MGAT4C: variants seen among roughly 807,000 people sequenced by gnomAD.
MGAT4C encodes MGAT4 family member C.
In MGAT4C, 19 loss-of-function variants were observed where a neutral mutation model predicts 40.1. The ratio of observed to expected loss-of-function variants is 0.47; its 90% CI spans 0.33 to 0.70. MGAT4C has a LOEUF of 0.70. Ranked by LOEUF, MGAT4C falls within the 30% of genes least tolerant of loss-of-function variation. MGAT4C has a pLI of 0.02. For missense variants in MGAT4C, 491 were observed against 563.2 expected, an observed-to-expected ratio of 0.87 and a Z score of 1.30; for synonymous variants, 181 against 187.1, an observed-to-expected ratio of 0.97 and a Z score of 0.27.
chr12:86,678,735 C>T (rs1199257889), intron 2 of MGAT4C, among the ~76,000 whole-genome samples: 2 of 151,960 alleles, frequency 1.3e-5, no homozygotes, highest in Non-Finnish European at 2.9e-5. Flanking sequence ...CAATTTCATC[C>T]ATGTCCCTAC....
At chr12:86,493,361 G>A (rs543850001) in intron 2 of MGAT4C, among the ~76,000 whole-genome samples, 20 of 151,968 alleles carry the variant, frequency 1.3e-4, no homozygotes, top group African/African-American at 4.1e-4. Flanking sequence ...TGTTTATTGC[G>A]GCACTATTCA....
At chr12:86,015,357 AGCT>A (rs1888980801) in intron 2 of MGAT4C, among the ~76,000 whole-genome samples, 1 of 151,928 alleles carries the variant, frequency 6.6e-6, no homozygotes, top group Non-Finnish European at 1.5e-5. Flanking sequence ...CCTCCCGACA[AGCT>A]GTTTGTGCTG....
chr12:86,755,360 A>C (rs1409447503), intron 1 of MGAT4C, among the ~76,000 whole-genome samples: 1 of 152,232 alleles, frequency 6.6e-6, no homozygotes, highest in African/African-American at 2.4e-5. Context: ...ATTTCTATAC[A>C]TCTGTATTAC....
At chr12:86,056,607 C>A (rs1186321877) in intron 1 of MGAT4C, among the ~76,000 whole-genome samples, 1 of 152,104 alleles carries the variant, frequency 6.6e-6, no homozygotes, top group East Asian at 1.9e-4. Context: ...TGTATATGTG[C>A]CACATTTTCT....
chr12:86,334,391 C>T (rs959513187), intron 3 of MGAT4C, among the ~76,000 whole-genome samples: 6 of 152,042 alleles, frequency 3.9e-5, no homozygotes, highest in Non-Finnish European at 7.4e-5. Flanking sequence ...TGGGATTAAG[C>T]TCCATAAACA....
intron 3 of MGAT4C, among the ~76,000 whole-genome samples, chr12:86,393,880 C>T (rs895635164): frequency 6.6e-6 from 1 of 152,182 alleles, no homozygotes; most frequent in African/African-American, 2.4e-5. Flanking sequence ...ACTGGCTTCA[C>T]TCATCATGCC....
At chr12:86,146,851 T>G (rs993724833) in intron 1 of MGAT4C, among the ~76,000 whole-genome samples, 5 of 151,374 alleles carry the variant, frequency 3.3e-5, no homozygotes, top group African/African-American at 1.2e-4. Flanking sequence ...TTTTTCCAGA[T>G]TATAACATGT....
chr12:86,160,156 C>T (rs184608383), intron 1 of MGAT4C, among the ~76,000 whole-genome samples: 1 of 152,030 alleles, frequency 6.6e-6, no homozygotes, highest in Non-Finnish European at 1.5e-5. Flanking sequence ...ATCTTTCTGT[C>T]TTGACAAAGG....
At chr12:86,586,004 G>A (rs1023380922) in intron 2 of MGAT4C, among the ~76,000 whole-genome samples, 2 of 149,850 alleles carry the variant, frequency 1.3e-5, no homozygotes, top group South Asian at 2.1e-4. Flanking sequence ...CAATGTGCAG[G>A]TTAGTTACAT....
chr12:86,479,498 A>G (rs1957898228), intron 2 of MGAT4C, among the ~76,000 whole-genome samples: 1 of 151,864 alleles, frequency 6.6e-6, no homozygotes, highest in Non-Finnish European at 1.5e-5. Context: ...TCAAACTCTA[A>G]AAAGATTCAC....
At chr12:86,184,852 T>C (rs1888570439) in intron 1 of MGAT4C, among the ~76,000 whole-genome samples, 1 of 151,632 alleles carries the variant, frequency 6.6e-6, no homozygotes, top group African/African-American at 2.4e-5. Context: ...GTGCTAAGTA[T>C]ATATAATCAA....
intron 1 of MGAT4C, among the ~76,000 whole-genome samples, chr12:86,059,435 C>T (rs977970465): frequency 4.6e-5 from 7 of 152,200 alleles, no homozygotes; most frequent in African/African-American, 1.7e-4. Flanking sequence ...TTGTTTTCTT[C>T]TCCTCTCAGA....
intron 2 of MGAT4C, among the ~76,000 whole-genome samples, chr12:86,611,449 A>AGAT (rs774494626): frequency 1.7e-3 from 180 of 106,424 alleles, no homozygotes; most frequent in South Asian, 6.0e-3. Context: ...ATAGATAGAT[A>AGAT]GATAGATGAT....
intron 3 of MGAT4C, among the ~76,000 whole-genome samples, chr12:86,391,997 CT>C (rs2136229026): frequency 6.6e-6 from 1 of 152,224 alleles, no homozygotes; most frequent in East Asian, 1.9e-4. Flanking sequence ...TTCTAGTTTT[CT>C]TACTGATGAG....
chr12:86,285,368 T>A lies in MGAT4C; in HGVS notation c.-57+48697A>T, dbSNP rs181081465. The stretch of plus-strand genomic sequence containing the variant: ...TGACTATTGTGTTCACCACCGTGTA[T>A]CCAGTGTGTAGCATTGTGCTTTGCT... On this transcript the variant is annotated intron_variant, in intron 4 of 7. Coordinates refer to the MGAT4C transcript ENST00000548651. Among the ~76,000 whole-genome samples, 24 of 152,152 alleles carry A rather than the reference T, an allele frequency of 1.6e-4. No individual in the cohort carries two copies. In the East Asian group the frequency reaches 4.3e-3, roughly 27 times the overall value.
chr12:86,592,802 AC>A (rs1221669125), intron 2 of MGAT4C, among the ~76,000 whole-genome samples: 1 of 151,944 alleles, frequency 6.6e-6, no homozygotes, highest in Non-Finnish European at 1.5e-5. Flanking sequence ...GTCTCTTTTT[AC>A]CTGATATTAA....
At chr12:86,008,104 G>A (rs1888083218) in intron 2 of MGAT4C, among the ~76,000 whole-genome samples, 1 of 151,796 alleles carries the variant, frequency 6.6e-6, no homozygotes, top group Non-Finnish European at 1.5e-5. Flanking sequence ...GCATTACTAT[G>A]GAAGTTTTAT....
Position 86,279,102 on chromosome 12 carries a change from ATTTCT to A in MGAT4C, c.-57+54958_-57+54962del, listed in dbSNP as rs1953149795. On this transcript the variant is annotated intron_variant, in intron 4 of 7. Coordinates refer to the MGAT4C transcript ENST00000548651. ...ATCATGGACATTGGCCTGTAGTTTTATTTCTTTTCTTTTCTATTTTTTTAATGTGT... is the reference window on the plus strand; with the variant it reads ...ATCATGGACATTGGCCTGTAGTTTTATTTCTTTTCTATTTTTTTAATGTGT... Among the ~76,000 whole-genome samples, 4 of 150,610 alleles carry A rather than the reference ATTTCT, an allele frequency of 2.7e-5. 1 individual carries two copies. The South Asian group carries it at 6.3e-4, about 24-fold the overall frequency.
Position 86,514,461 on chromosome 12 carries a change from C to A in MGAT4C, c.-228-79196G>T, listed in dbSNP as rs1206842187. ...AGGTGTCAGTAGGCCTGTATTCCTT[C>A]CTGAGGCTCTATGGGATAATCTGCA... On this transcript the variant is annotated intron_variant, in intron 2 of 7. Transcript: ENST00000548651. 3.9e-5 allele frequency among the ~76,000 whole-genome samples: 6 copies of A among 152,282 alleles called. No individual in the cohort carries two copies. In the East Asian group the frequency reaches 1.2e-3, roughly 29 times the overall value.
Sources: gnomAD v4.1 joint callset for allele counts (sites outside exome capture counted in the v4.1 genomes callset) on GRCh38, gnomAD v4.1.1 for gene constraint, MANE v1.5 for transcripts, NCBI Gene and HGNC (gene_info 2026-07-23, HGNC 2026-07-21) for gene names.